Variants in GPHN observed in about 807,000 individuals in gnomAD.
GPHN encodes gephyrin.
GPHN carries 17 observed loss-of-function variants against 95.5 expected under a neutral mutation model. That is an observed-to-expected ratio of 0.18 (90% CI 0.12 to 0.27). GPHN has a LOEUF of 0.27. Ranked by LOEUF, GPHN falls within the 10% of genes least tolerant of loss-of-function variation. The pLI is 1.00. For synonymous variants in GPHN, 320 were observed against 322.5 expected (o/e 0.99, Z 0.08); for missense variants, 660 against 978.1 (o/e 0.67, Z 4.34).
intron 1 of GPHN, among the ~76,000 whole-genome samples, chr14:66,669,199 A>C (rs767388020): frequency 1.8e-4 from 28 of 152,124 alleles, no homozygotes; most frequent in Admixed American, 2.0e-4. Context: ...CCCCATCTCT[A>C]CTAAAACCAC....
At chr14:67,420,047 C>T in the GPHN span, among the ~76,000 whole-genome samples, 3 of 152,198 alleles carry the variant, frequency 2.0e-5, 1 homozygote, top group South Asian at 6.2e-4. Flanking sequence ...TGAGTTGGCT[C>T]TGGGAACCAG....
intron 2 of GPHN, among the ~76,000 whole-genome samples, chr14:66,714,980 T>C (rs570642091): frequency 6.6e-6 from 1 of 152,298 alleles, no homozygotes; most frequent in Admixed American, 6.5e-5. Flanking sequence ...ATTAGGGTGA[T>C]GTTGGCTTCA....
chr14:67,443,327 A>G, the GPHN span, among the ~76,000 whole-genome samples: 1 of 152,242 alleles, frequency 6.6e-6, no homozygotes, highest in Non-Finnish European at 1.5e-5. Flanking sequence ...TAAGAAGTAG[A>G]AACAAGTGTA....
chr14:67,099,399 G>A (rs1455162268), intron 12 of GPHN, among the ~76,000 whole-genome samples: 2 of 151,952 alleles, frequency 1.3e-5, no homozygotes. Flanking sequence ...GGGATGACAG[G>A]TGTGAGCCAC....
chr14:67,614,087 C>T, the GPHN span, among the ~76,000 whole-genome samples: 1 of 152,048 alleles, frequency 6.6e-6, no homozygotes, highest in African/African-American at 2.4e-5. Flanking sequence ...GGGTACACAC[C>T]ACCACACCCA....
chr14:67,264,512 G>GT, the GPHN span, among the ~76,000 whole-genome samples: 1 of 152,068 alleles, frequency 6.6e-6, no homozygotes, highest in East Asian at 1.9e-4. Context: ...CTGATCTCAC[G>GT]TTTAAGTTTT....
chr14:67,134,194 T>C (rs978415060), intron 17 of GPHN, among the ~76,000 whole-genome samples: 4 of 152,204 alleles, frequency 2.6e-5, no homozygotes, highest in Non-Finnish European at 5.9e-5. Context: ...GGTTTTTGTT[T>C]GAATTCTTTT....
At chr14:67,638,514 TAGG>T in the GPHN span, among the ~76,000 whole-genome samples, 12 of 152,196 alleles carry the variant, frequency 7.9e-5, no homozygotes, top group Admixed American at 3.9e-4. Flanking sequence ...CTATTTGTCA[TAGG>T]AGTTCTTCTT....
At chr14:67,362,574 G>A in the GPHN span, among the ~76,000 whole-genome samples, 1 of 152,112 alleles carries the variant, frequency 6.6e-6, no homozygotes, top group Non-Finnish European at 1.5e-5. Context: ...GCCACTTCTA[G>A]TAAGTAGCAG....
the GPHN span, chr14:67,690,438 G>A: frequency 6.2e-7 from 1 of 1,609,196 alleles, no homozygotes. Flanking sequence ...AGAAATACTA[G>A]AATTAATGAA....
chr14:67,257,290 G>A, the GPHN span, among the ~76,000 whole-genome samples: 1 of 152,110 alleles, frequency 6.6e-6, no homozygotes, highest in Admixed American at 6.6e-5. Context: ...ACCTCAGAGG[G>A]GTGACTGAGT....
At chr14:67,388,073 T>C in the GPHN span, 1 of 591,402 alleles carries the variant, frequency 1.7e-6, no homozygotes, top group South Asian at 2.1e-5. Context: ...CTTTGTTCAA[T>C]TCTGAAATTC....
At chr14:66,589,388 A>G (rs2061548710) in intron 1 of GPHN, among the ~76,000 whole-genome samples, 1 of 152,176 alleles carries the variant, frequency 6.6e-6, no homozygotes, top group Admixed American at 6.5e-5. Flanking sequence ...TAATATTTAT[A>G]TAACCTTAAA....
chr14:67,461,957 C>T, the GPHN span, among the ~76,000 whole-genome samples: 1 of 152,212 alleles, frequency 6.6e-6, no homozygotes, highest in Non-Finnish European at 1.5e-5. Flanking sequence ...TTTGATTGGG[C>T]AGGTCAAGTT....
intron 9 of GPHN, among the ~76,000 whole-genome samples, chr14:66,973,847 G>A (rs182514757): frequency 1.6e-3 from 246 of 152,260 alleles, no homozygotes; most frequent in Non-Finnish European, 2.0e-3. Flanking sequence ...GCTCATTTTT[G>A]AAATCAGTTT....
chr14:67,645,355 T>C, the GPHN span, among the ~76,000 whole-genome samples: 12 of 152,180 alleles, frequency 7.9e-5, no homozygotes, highest in African/African-American at 2.9e-4. Context: ...GAGGTTCTTT[T>C]CTGAGCAGGG....
At chr14:66,888,332 C>G (rs949230515) in intron 5 of GPHN, among the ~76,000 whole-genome samples, 1 of 152,018 alleles carries the variant, frequency 6.6e-6, no homozygotes, top group Admixed American at 6.5e-5. Flanking sequence ...AACTCCCTAT[C>G]TATAGAGGAA....
chr14:66,604,100 G>A lies in GPHN; in HGVS notation c.65-77007G>A, dbSNP rs190807588. On this transcript the variant is annotated intron_variant, in intron 1 of 22. Coordinates refer to ENST00000478722, the MANE Select transcript of GPHN (RefSeq NM_020806.5). ...CATAACATTGCATGAACTATAGGTA[G>A]CATTTTATCCTATTTTATACATGAG... Among the ~76,000 whole-genome samples, 27 of 152,112 alleles carry A rather than the reference G, an allele frequency of 1.8e-4. No homozygotes were observed. In the East Asian group the frequency reaches 2.9e-3, roughly 16 times the overall value.
the GPHN span, among the ~76,000 whole-genome samples, chr14:67,645,184 T>C: frequency 6.6e-6 from 1 of 152,146 alleles, no homozygotes; most frequent in Middle Eastern, 3.4e-3. Flanking sequence ...TTTCTTTTTT[T>C]TTTTTCATTT....
Sources: allele counts gnomAD v4.1 joint callset (sites outside exome capture counted in the v4.1 genomes callset), GRCh38; gene constraint gnomAD v4.1.1; transcripts MANE v1.5; gene names NCBI Gene and HGNC (gene_info 2026-07-23, HGNC 2026-07-21).